Variants in ACTR3C observed in about 807,000 individuals in gnomAD.
ACTR3C encodes actin related protein 3C.
ACTR3C carries 18 observed loss-of-function variants against 26.3 expected under a neutral mutation model. That is an observed-to-expected ratio of 0.68 (90% CI 0.47 to 1.01). ACTR3C has a LOEUF of 1.01. ACTR3C is among the 50% of genes least tolerant of loss of function. The pLI is 0.00. For missense variants in ACTR3C, 184 were observed against 250.7 expected, an observed-to-expected ratio of 0.73 and a Z score of 1.80; for synonymous variants, 55 against 94.5, an observed-to-expected ratio of 0.58 and a Z score of 2.42.
chr7:150,182,026 G>A, the ACTR3C span, among the ~76,000 whole-genome samples: 1 of 150,558 alleles, frequency 6.6e-6, no homozygotes, highest in African/African-American at 2.5e-5. Flanking sequence ...AGCAGAACGT[G>A]CAGAAACAGA....
the ACTR3C span, among the ~76,000 whole-genome samples, chr7:150,225,528 G>A: frequency 2.0e-5 from 3 of 152,168 alleles, no homozygotes; most frequent in South Asian, 2.1e-4. Flanking sequence ...GTATCAGAAC[G>A]TTTAACCTGT....
chr7:150,142,165 G>C, the ACTR3C span, among the ~76,000 whole-genome samples: 9 of 152,212 alleles, frequency 5.9e-5, no homozygotes, highest in Non-Finnish European at 1.2e-4. Flanking sequence ...CGACCTGCAA[G>C]TGTAGCTGGG....
At chr7:150,252,220 A>C (rs1832906180) in intron 6 of ACTR3C, among the ~76,000 whole-genome samples, 1 of 152,100 alleles carries the variant, frequency 6.6e-6, no homozygotes, top group South Asian at 2.1e-4. Context: ...TGGGTGACTT[A>C]ATCAACATGT....
chr7:149,960,385 G>A, the ACTR3C span, among the ~76,000 whole-genome samples: 55 of 152,278 alleles, frequency 3.6e-4, no homozygotes, highest in African/African-American at 1.2e-3. Flanking sequence ...GAAATGCACC[G>A]CGCACCTTTT....
downstream of ACTR3C, among the ~76,000 whole-genome samples, chr7:150,239,887 G>A (rs1832087721): frequency 6.6e-6 from 1 of 151,858 alleles, no homozygotes; most frequent in South Asian, 2.1e-4. Flanking sequence ...GAGTAGCTGA[G>A]ACCACAGGCA....
At chr7:150,208,459 C>T in the ACTR3C span, among the ~76,000 whole-genome samples, 1 of 152,280 alleles carries the variant, frequency 6.6e-6, no homozygotes, top group East Asian at 1.9e-4. Flanking sequence ...AGTACCTGCT[C>T]AGATAAGCCA....
chr7:150,122,796 T>C, the ACTR3C span, among the ~76,000 whole-genome samples: 1 of 151,946 alleles, frequency 6.6e-6, no homozygotes, highest in Non-Finnish European at 1.5e-5. Flanking sequence ...CACGTATATT[T>C]ATTGTGGCAC....
the ACTR3C span, among the ~76,000 whole-genome samples, chr7:149,961,406 A>G: frequency 6.6e-6 from 1 of 152,210 alleles, no homozygotes; most frequent in Non-Finnish European, 1.5e-5. Flanking sequence ...GTGCACAGGT[A>G]GGAAGTGTAT....
At chr7:150,034,305 C>A in the ACTR3C span, among the ~76,000 whole-genome samples, 5 of 151,730 alleles carry the variant, frequency 3.3e-5, no homozygotes, top group African/African-American at 1.2e-4. Context: ...CAGCCAGGGC[C>A]CCACAGTTTG....
the ACTR3C span, among the ~76,000 whole-genome samples, chr7:150,066,263 G>C: frequency 6.6e-6 from 1 of 152,128 alleles, no homozygotes; most frequent in African/African-American, 2.4e-5. Context: ...TGCAGAGGGG[G>C]GATAAAGGCA....
At chr7:150,098,415 A>G in the ACTR3C span, among the ~76,000 whole-genome samples, 1 of 151,794 alleles carries the variant, frequency 6.6e-6, no homozygotes, top group African/African-American at 2.4e-5. Flanking sequence ...TAAGAGGCCT[A>G]AAAAAGCAGT....
chr7:150,010,314 A>ACT, the ACTR3C span, among the ~76,000 whole-genome samples: 1 of 152,076 alleles, frequency 6.6e-6, no homozygotes. Context: ...GCCACATCCC[A>ACT]CTCACTGGTC....
chr7:150,318,851 A>G (rs1019382152), intron 1 of ACTR3C, among the ~76,000 whole-genome samples: 2 of 152,336 alleles, frequency 1.3e-5, no homozygotes, highest in Middle Eastern at 6.8e-3. Flanking sequence ...AGTGTTTCTC[A>G]AAAGCTTACA....
intron 3 of ACTR3C, 54 bp downstream of exon 3, chr7:150,293,258 C>T: frequency 6.6e-7 from 1 of 1,514,928 alleles, no homozygotes; most frequent in Non-Finnish European, 8.8e-7. Flanking sequence ...TCCATCCTTA[C>T]CTCGAATCAG....
the ACTR3C span, among the ~76,000 whole-genome samples, chr7:150,034,048 T>A: frequency 1.2e-3 from 158 of 135,088 alleles, 1 homozygote; most frequent in South Asian, 0.011. Context: ...GGAAGAGGGG[T>A]TGGCTCTGAG....
At chr7:150,037,001 C>G in the ACTR3C span, among the ~76,000 whole-genome samples, 5 of 79,598 alleles carry the variant, frequency 6.3e-5, no homozygotes, top group East Asian at 6.4e-4. Flanking sequence ...CCTCCGCCCC[C>G]CTGCGATGGG....
At chr7:150,051,526 A>G in the ACTR3C span, among the ~76,000 whole-genome samples, 1,784 of 143,894 alleles carry the variant, frequency 0.012, 1 homozygote, top group African/African-American at 0.043. Flanking sequence ...AACGTCTGAA[A>G]TACACTGTGG....
chr7:150,143,124 G>A, the ACTR3C span, among the ~76,000 whole-genome samples: 4 of 152,102 alleles, frequency 2.6e-5, no homozygotes, highest in South Asian at 2.1e-4. Flanking sequence ...GAGCCACCGC[G>A]CCCAACCCCA....
intron 1 of ACTR3C, among the ~76,000 whole-genome samples, chr7:150,298,787 C>T (rs866047391): frequency 0.012 from 1,787 of 147,762 alleles, 42 homozygotes; most frequent in African/African-American, 0.043. Flanking sequence ...AAAAAGTCAA[C>T]ATTGTCTGTA....
Sources: allele counts gnomAD v4.1 joint callset (sites outside exome capture counted in the v4.1 genomes callset), GRCh38; gene constraint gnomAD v4.1.1; transcripts MANE v1.5; gene names NCBI Gene and HGNC (gene_info 2026-07-23, HGNC 2026-07-21).